The following ANO1 variants were observed in gnomAD, a reference collection of about 807,000 sequenced individuals.
ANO1 encodes anoctamin-1.
Under a neutral mutation model 124.0 loss-of-function variants are expected in ANO1, and 59 were observed. The ratio of observed to expected loss-of-function variants is 0.48; its 90% CI spans 0.39 to 0.59. ANO1 has a LOEUF of 0.59. ANO1 is among the 20% of genes least tolerant of loss of function. The pLI, the probability that ANO1 is intolerant of heterozygous loss-of-function variation, is 0.00. For missense variants in ANO1, 1,059 were observed against 1,328.0 expected (o/e 0.80, Z 3.15); for synonymous variants, 529 against 532.0 (o/e 0.99, Z 0.08).
chr11:70,130,067 G>C (rs979228213), intron 10 of ANO1, among the ~76,000 whole-genome samples: 3 of 152,188 alleles, frequency 2.0e-5, no homozygotes, highest in Non-Finnish European at 2.9e-5. Flanking sequence ...ACCAGGCATG[G>C]TTCTGCGCAT....
intron 11 of ANO1, among the ~76,000 whole-genome samples, chr11:70,133,398 C>T (rs1159313544): frequency 4.6e-5 from 7 of 152,270 alleles, no homozygotes; most frequent in African/African-American, 7.2e-5. Flanking sequence ...CCGGCTCAGG[C>T]ACCTCCTGAC....
At chr11:70,089,205 A>C (rs78982871) in intron 2 of ANO1, among the ~76,000 whole-genome samples, 17,696 of 152,224 alleles carry the variant, frequency 0.12, 1,201 homozygotes, top group Admixed American at 0.19. Context: ...TCTCTAAAAC[A>C]CATCGAAAAC....
chr11:70,065,386 G>A (rs1555008394), intron 1 of ANO1: 1 of 152,318 alleles, frequency 6.6e-6, no homozygotes, highest in Non-Finnish European at 1.5e-5. Flanking sequence ...TGTGTTTCCT[G>A]GGCACTACCC....
At chr11:70,162,840 C>T (rs2048110740) in intron 18 of ANO1, among the ~76,000 whole-genome samples, 1 of 152,256 alleles carries the variant, frequency 6.6e-6, no homozygotes, top group Admixed American at 6.5e-5. Flanking sequence ...TCTATCCCCA[C>T]CCAGGGTGGC....
rs562508032 is a variant in ANO1 at position 70,103,927 on chromosome 11, T to C, written c.541-72T>C. On this transcript the variant is annotated intron_variant, in intron 3 of 25. Coordinates refer to ENST00000355303, the MANE Select transcript of ANO1 (RefSeq NM_018043.7). Reference sequence around the variant, plus strand: ...ATGGGGTGGGATGGTTCTCTGACCATCCGAGAACAGATTCCACGGATCATG... The same window carrying C: ...ATGGGGTGGGATGGTTCTCTGACCACCCGAGAACAGATTCCACGGATCATG... 1.4e-4 allele frequency: 216 copies of C among 1,521,896 alleles called. No homozygotes were observed. In the African/African-American group the frequency reaches 2.7e-3, roughly 19 times the overall value. The allele number at this position is 1,521,896 out of a possible 1,614,324, so 94.3% of individuals were successfully genotyped here.
At chr11:70,163,582 AC>A in intron 19 of ANO1, 2 of 606,590 alleles carry the variant, frequency 3.3e-6, no homozygotes, top group Non-Finnish European at 5.8e-6. Flanking sequence ...TGAAAGAAAA[AC>A]ACAACATCTG....
At chr11:70,059,835 A>G (rs1857530907) in intron 1 of ANO1, among the ~76,000 whole-genome samples, 1 of 152,192 alleles carries the variant, frequency 6.6e-6, no homozygotes, top group African/African-American at 2.4e-5. Flanking sequence ...TGAGTTGGAA[A>G]AGACTGGTAG....
intron 13 of ANO1, 61 bp from the exon 14 acceptor site, chr11:70,152,996 C>G: frequency 6.8e-7 from 1 of 1,474,294 alleles, no homozygotes. Flanking sequence ...AGTATGCTCA[C>G]GCTGAGGAGC....
chr11:69,981,679 G>A (rs556142056), upstream of ANO1, among the ~76,000 whole-genome samples: 51 of 152,304 alleles, frequency 3.3e-4, no homozygotes, highest in South Asian at 3.9e-3. Flanking sequence ...CTCCTCTCCC[G>A]CTAGCCCTGC....
intron 18 of ANO1, among the ~76,000 whole-genome samples, chr11:70,163,059 T>A (rs1359802228): frequency 1.3e-5 from 2 of 152,238 alleles, no homozygotes; most frequent in African/African-American, 4.8e-5. Context: ...ATTGAAGAAG[T>A]TCCTTTTTCT....
intron 12 of ANO1, 130 bp downstream of exon 12, chr11:70,149,922 C>A: frequency 2.1e-6 from 2 of 947,448 alleles, no homozygotes; most frequent in Non-Finnish European, 3.3e-6. Context: ...CAAGGCCGCC[C>A]CCCATCCCCC....
At chr11:70,108,794 T>A (rs998552840) in intron 6 of ANO1, among the ~76,000 whole-genome samples, 2 of 152,118 alleles carry the variant, frequency 1.3e-5, no homozygotes, top group Admixed American at 1.3e-4. Context: ...ATGTGGCTGT[T>A]CCGGACCCTT....
intron 1 of ANO1, among the ~76,000 whole-genome samples, chr11:70,053,277 C>T (rs767404741): frequency 3.4e-4 from 51 of 151,764 alleles, no homozygotes; most frequent in Non-Finnish European, 5.2e-4. Context: ...ATTTCTTTTT[C>T]TTGCCTTATT....
At chr11:70,009,724 G>C (rs1170341341) in intron 1 of ANO1, among the ~76,000 whole-genome samples, 14 of 152,162 alleles carry the variant, frequency 9.2e-5, no homozygotes, top group African/African-American at 3.1e-4. Flanking sequence ...ATGAGCCTGT[G>C]CAGATAAATA....
chr11:69,993,590 C>G (rs1856198657), intron 1 of ANO1, among the ~76,000 whole-genome samples: 1 of 152,212 alleles, frequency 6.6e-6, no homozygotes. Context: ...TCCCCAGCCT[C>G]CATCCCTTAT....
chr11:69,981,620 T>C (rs1855960504), upstream of ANO1, among the ~76,000 whole-genome samples: 1 of 152,178 alleles, frequency 6.6e-6, no homozygotes, highest in South Asian at 2.1e-4. Context: ...CTGGTATCAG[T>C]GGTGAGCAGC....
chr11:70,070,904 T>G (rs1222292366), intron 1 of ANO1, among the ~76,000 whole-genome samples: 1 of 152,206 alleles, frequency 6.6e-6, no homozygotes, highest in Non-Finnish European at 1.5e-5. Flanking sequence ...GAACTGCTCG[T>G]GGAGGGCATC....
At chr11:70,095,426 GA>G (rs67301374) in intron 2 of ANO1, among the ~76,000 whole-genome samples, 25,675 of 47,176 alleles carry the variant, frequency 0.54, 5,090 homozygotes, top group Middle Eastern at 0.62. Flanking sequence ...AAGAAAGAAA[GA>G]AAAGAAAAGA....
At chr11:70,051,063 T>C (rs1236984859) in intron 1 of ANO1, among the ~76,000 whole-genome samples, 1 of 152,206 alleles carries the variant, frequency 6.6e-6, no homozygotes. Flanking sequence ...GTACAGATCA[T>C]AATTTTACAG....
Sources: gnomAD v4.1 joint callset for allele counts (sites outside exome capture counted in the v4.1 genomes callset) on GRCh38, gnomAD v4.1.1 for gene constraint, MANE v1.5 for transcripts, NCBI Gene and HGNC (gene_info 2026-07-23, HGNC 2026-07-21) for gene names.